The following LRMDA variants were observed in gnomAD, a reference collection of about 807,000 sequenced individuals.
LRMDA encodes the protein leucine rich melanocyte differentiation associated.
A neutral mutation model predicts 29.8 loss-of-function variants in LRMDA; 18 were observed. The observed-to-expected ratio is 0.60, with a 90% confidence interval of 0.42 to 0.90. The LOEUF (loss-of-function observed/expected upper bound fraction) is 0.90, where lower values mean the gene tolerates loss of function less well. Among genes scored for constraint, LRMDA ranks in the 40% least tolerant of loss-of-function variants. The pLI, the probability that LRMDA is intolerant of heterozygous loss-of-function variation, is 0.00. For synonymous variants in LRMDA, 125 were observed against 109.4 expected (o/e 1.14, Z -0.89); for missense variants, 273 against 273.9 (o/e 1.00, Z 0.02).
chr10:76,349,272 A>C (rs1841145872), intron 6 of LRMDA, among the ~76,000 whole-genome samples: 2 of 152,136 alleles, frequency 1.3e-5, no homozygotes, highest in Admixed American at 1.3e-4. Context: ...ACTCAACTCT[A>C]GCATTCTAGT....
intron 2 of LRMDA, among the ~76,000 whole-genome samples, chr10:75,757,890 C>T (rs1336307798): frequency 6.6e-6 from 1 of 151,396 alleles, no homozygotes; most frequent in Admixed American, 6.6e-5. Flanking sequence ...ACCTCCACCT[C>T]CTGGGTTCAA....
intron 5 of LRMDA, among the ~76,000 whole-genome samples, chr10:76,165,739 G>C (rs1898097): frequency 3.3e-5 from 5 of 151,972 alleles, no homozygotes. Flanking sequence ...ACCAGATATC[G>C]TGAGAACTCA....
At chr10:75,621,410 A>G (rs573634903) in intron 2 of LRMDA, among the ~76,000 whole-genome samples, 1 of 152,262 alleles carries the variant, frequency 6.6e-6, no homozygotes, top group East Asian at 1.9e-4. Context: ...TTCTTTCTCC[A>G]CAAAGTCTCA....
At chr10:76,347,636 G>A (rs969797345) in intron 6 of LRMDA, among the ~76,000 whole-genome samples, 1 of 152,122 alleles carries the variant, frequency 6.6e-6, no homozygotes, top group Non-Finnish European at 1.5e-5. Context: ...ACCGAGTGCA[G>A]CACTGGAAAA....
At chr10:75,866,968 T>C (rs1564591156) in intron 2 of LRMDA, among the ~76,000 whole-genome samples, 1 of 152,210 alleles carries the variant, frequency 6.6e-6, no homozygotes, top group Non-Finnish European at 1.5e-5. Flanking sequence ...AGATGTGTCC[T>C]TGCCATGACA....
At chr10:76,481,349 G>A (rs1842731497) in intron 6 of LRMDA, among the ~76,000 whole-genome samples, 1 of 151,962 alleles carries the variant, frequency 6.6e-6, no homozygotes, top group South Asian at 2.1e-4. Flanking sequence ...TTATTGGCCT[G>A]GTTCCTTTGA....
chr10:75,830,624 A>C (rs1481495234), intron 2 of LRMDA, among the ~76,000 whole-genome samples: 1 of 152,188 alleles, frequency 6.6e-6, no homozygotes. Context: ...TGAGAACAAT[A>C]TGGGAAAGAC....
At chr10:76,328,673 T>G (rs756650451) in intron 6 of LRMDA, among the ~76,000 whole-genome samples, 2 of 152,204 alleles carry the variant, frequency 1.3e-5, no homozygotes, top group Non-Finnish European at 2.9e-5. Context: ...GCCATGCGTT[T>G]CCAAAGCCTG....
intron 5 of LRMDA, among the ~76,000 whole-genome samples, chr10:76,308,872 C>T (rs748699510): frequency 2.6e-5 from 4 of 152,170 alleles, no homozygotes; most frequent in African/African-American, 7.2e-5. Context: ...CCATCCCAGG[C>T]GCTGCAGTCA....
chr10:75,495,343 T>C (rs1304047177), intron 2 of LRMDA, among the ~76,000 whole-genome samples: 1 of 152,120 alleles, frequency 6.6e-6, no homozygotes, highest in East Asian at 1.9e-4. Flanking sequence ...GTTTTTTTTT[T>C]CTTCCCCTTT....
chr10:76,187,162 C>G (rs183792922), intron 5 of LRMDA, among the ~76,000 whole-genome samples: 6 of 152,194 alleles, frequency 3.9e-5, no homozygotes, highest in African/African-American at 1.2e-4. Flanking sequence ...GCTGTCACAT[C>G]TAAAAGGACA....
rs1316716287 is a variant in LRMDA, at chr10:76,212,446, G to T, written c.517-111955G>T. 2.0e-5 allele frequency among the ~76,000 whole-genome samples: 3 copies of T among 152,000 alleles called. No individual in the cohort carries two copies. The East Asian group carries it at 5.8e-4, about 29-fold the overall frequency. ...TTCTAATTATTGCTTCTACTCCTGGGCCTCCCTTTTTTTTGGAAGGAAGTG... is the reference window on the plus strand; with the variant it reads ...TTCTAATTATTGCTTCTACTCCTGGTCCTCCCTTTTTTTTGGAAGGAAGTG... On this transcript the variant is annotated intron_variant, in intron 5 of 6. Transcript: ENST00000611255.
At chr10:76,225,291 A>T (rs1470888304) in intron 5 of LRMDA, among the ~76,000 whole-genome samples, 2 of 151,978 alleles carry the variant, frequency 1.3e-5, no homozygotes, top group East Asian at 3.9e-4. Context: ...GGCGCCTGTA[A>T]TCCCAGCTAC....
intron 5 of LRMDA, among the ~76,000 whole-genome samples, chr10:76,252,192 A>G (rs901313196): frequency 1.3e-5 from 2 of 152,200 alleles, no homozygotes; most frequent in African/African-American, 4.8e-5. Context: ...CGGGAGGCCA[A>G]CCGGGAGAAG....
chr10:76,478,430 G>C (rs750524035), intron 6 of LRMDA, among the ~76,000 whole-genome samples: 1 of 152,060 alleles, frequency 6.6e-6, no homozygotes, highest in Non-Finnish European at 1.5e-5. Context: ...GAAATAGGAA[G>C]AGTTTTACAC....
intron 2 of LRMDA, among the ~76,000 whole-genome samples, chr10:75,984,518 G>GGA: frequency 6.6e-6 from 1 of 152,230 alleles, no homozygotes; most frequent in Admixed American, 6.5e-5. Context: ...CACTCACAGG[G>GGA]CCTAAAGCGG....
intron 2 of LRMDA, among the ~76,000 whole-genome samples, chr10:76,029,893 C>G (rs1441245299): frequency 6.6e-6 from 1 of 152,050 alleles, no homozygotes; most frequent in Non-Finnish European, 1.5e-5. Flanking sequence ...ACCACTACTT[C>G]TTTTTTGTTG....
chr10:76,105,277 C>T (rs1225101928), intron 5 of LRMDA, among the ~76,000 whole-genome samples: 8 of 152,110 alleles, frequency 5.3e-5, no homozygotes, highest in African/African-American at 7.2e-5. Context: ...GGCAGGATTT[C>T]GTTACCGTTT....
At chr10:75,757,858 G>A (rs1482793785) in intron 2 of LRMDA, among the ~76,000 whole-genome samples, 2 of 148,806 alleles carry the variant, frequency 1.3e-5, no homozygotes, top group South Asian at 2.1e-4. Context: ...GGAGTGCAGT[G>A]GTGTGATCTC....
Sources: allele counts gnomAD v4.1 joint callset (sites outside exome capture counted in the v4.1 genomes callset), GRCh38; gene constraint gnomAD v4.1.1; transcripts MANE v1.5; gene names NCBI Gene and HGNC (gene_info 2026-07-23, HGNC 2026-07-21).